Variants in RIN2 observed in about 807,000 individuals in gnomAD.
RIN2 encodes Ras and Rab interactor 2.
In RIN2, 36 loss-of-function variants were observed where a neutral mutation model predicts 78.0. The observed-to-expected ratio is 0.46, with a 90% CI of 0.35 to 0.61. The LOEUF is 0.61. RIN2 is among the 20% of genes least tolerant of loss of function. The probability of loss-of-function intolerance (pLI) is 0.00; values close to 1 mark genes in which losing one functional copy is unlikely to be tolerated. For synonymous variants in RIN2, 466 were observed against 466.8 expected (o/e 1.00, Z 0.02); for missense variants, 1,087 against 1,159.7 (o/e 0.94, Z 0.91).
chr20:19,884,581 G>T (rs2038122754), intron 2 of RIN2, among the ~76,000 whole-genome samples: 1 of 151,936 alleles, frequency 6.6e-6, no homozygotes, highest in Non-Finnish European at 1.5e-5. Context: ...TTTTTAAAAT[G>T]ACTGTTGGGT....
chr20:19,873,644 C>T (rs2037760408), intron 2 of RIN2, among the ~76,000 whole-genome samples: 1 of 152,134 alleles, frequency 6.6e-6, no homozygotes, highest in South Asian at 2.1e-4. Flanking sequence ...ACCCCTGATA[C>T]AGGCAATTAA....
At chr20:19,777,177 G>A (rs1314012707) in intron 1 of RIN2, among the ~76,000 whole-genome samples, 1 of 152,182 alleles carries the variant, frequency 6.6e-6, no homozygotes, top group African/African-American at 2.4e-5. Context: ...AGGTTTAGAA[G>A]AACTGTGTGC....
chr20:19,999,828 T>A (rs2043087474), intron 12 of RIN2, among the ~76,000 whole-genome samples: 1 of 152,222 alleles, frequency 6.6e-6, no homozygotes. Flanking sequence ...CAGCTCCATC[T>A]GCAAAGTATT....
chr20:19,889,394 G>A (rs941755774), intron 2 of RIN2, 172 bp from the exon 3 acceptor site: 1 of 1,192,296 alleles, frequency 8.4e-7, no homozygotes, highest in Admixed American at 3.2e-5. Context: ...AACTGCGCTG[G>A]TGGGGACAGG....
intron 1 of RIN2, among the ~76,000 whole-genome samples, chr20:19,768,349 C>T (rs983608430): frequency 1.3e-5 from 2 of 152,204 alleles, no homozygotes; most frequent in African/African-American, 4.8e-5. Context: ...AACTGGAATG[C>T]TCTGGAAACA....
chr20:19,758,656 A>G (rs996830375), intron 1 of RIN2, among the ~76,000 whole-genome samples: 1 of 152,232 alleles, frequency 6.6e-6, no homozygotes, highest in African/African-American at 2.4e-5. Flanking sequence ...TGGAGGGTGC[A>G]GGCACTATGG....
Position 19,956,684 on chromosome 20 carries a change from C to A in RIN2, c.228C>A (p.Gly76=), listed in dbSNP as rs911696265. ...EDVKTCARDS[G]YDSLSNRLSI... is the part of the protein sequence containing the mutation. ...TGAAGACCTGTGCCCGGGACTCAGGCTATGACAGCCTCTCCAACAGGCTCA... is the reference window on the plus strand; with the variant it reads ...TGAAGACCTGTGCCCGGGACTCAGGATATGACAGCCTCTCCAACAGGCTCA... The change falls in exon 5 of 13, where the codon GGC becomes GGA. Residue 76 remains glycine (G), a synonymous_variant. Transcript: ENST00000255006. The A allele has an allele frequency of 3.1e-6, 5 of 1,612,732 alleles. No homozygotes were observed. Among genetic ancestry groups the A allele is most frequent in the Non-Finnish European group, 4.2e-6 (5 of 1,179,452 alleles).
intron 1 of RIN2, among the ~76,000 whole-genome samples, chr20:19,777,290 G>A (rs1297456825): frequency 3.3e-5 from 5 of 152,212 alleles, no homozygotes; most frequent in African/African-American, 9.6e-5. Context: ...ACCCCACTAG[G>A]CCCCTTCTGC....
chr20:19,958,671 C>T (rs1327456378), intron 5 of RIN2, among the ~76,000 whole-genome samples: 1 of 152,222 alleles, frequency 6.6e-6, no homozygotes. Context: ...GAGTTCGAGA[C>T]CAGCCTGGCC....
At chr20:19,902,030 A>G (rs2039010712) in intron 3 of RIN2, among the ~76,000 whole-genome samples, 1 of 151,880 alleles carries the variant, frequency 6.6e-6, no homozygotes, top group African/African-American at 2.4e-5. Context: ...AAAAAAAAAA[A>G]AAAAAAAAAA....
intron 2 of RIN2, among the ~76,000 whole-genome samples, chr20:19,853,995 G>A (rs1385446702): frequency 6.6e-6 from 1 of 152,198 alleles, no homozygotes; most frequent in South Asian, 2.1e-4. Flanking sequence ...TTTTCTTCTA[G>A]GGTTTTGATG....
intron 2 of RIN2, among the ~76,000 whole-genome samples, chr20:19,826,389 CTAAG>C (rs1424237259): frequency 2.6e-5 from 4 of 152,200 alleles, no homozygotes; most frequent in Admixed American, 2.6e-4. Context: ...GCACGGGTAA[CTAAG>C]TAACTGCTCA....
chr20:19,823,177 G>A (rs184796138), intron 2 of RIN2, among the ~76,000 whole-genome samples: 26 of 152,226 alleles, frequency 1.7e-4, no homozygotes, highest in African/African-American at 6.3e-4. Context: ...AATAGTCGTA[G>A]AGCCATAGCA....
Position 19,846,192 on chromosome 20 carries a change from G to GGC in RIN2, c.-36-43374_-36-43373insGC, listed in dbSNP as rs1600602660. ...CTCCAGCTTTGTTCTTTTTGCTTAG[G>GGC]ATTGTCTTGGCTATACGGGCTCTTT... On this transcript the variant is annotated intron_variant, in intron 2 of 12. Transcript: ENST00000255006. Among the ~76,000 whole-genome samples, 3 of 152,270 alleles carry GGC rather than the reference G, an allele frequency of 2.0e-5. No individual in the cohort carries two copies. The East Asian group carries it at 5.8e-4, about 29-fold the overall frequency.
At chr20:19,788,345 A>G (rs1197310228) in intron 1 of RIN2, among the ~76,000 whole-genome samples, 4 of 151,178 alleles carry the variant, frequency 2.6e-5, no homozygotes, top group African/African-American at 9.8e-5. Flanking sequence ...CTGTAATCCC[A>G]GCACTTTGGG....
chr20:19,861,152 G>A (rs17301007), intron 2 of RIN2, among the ~76,000 whole-genome samples: 27,359 of 152,054 alleles, frequency 0.18, 2,852 homozygotes, highest in Non-Finnish European at 0.22. Flanking sequence ...ATCAGTCTCC[G>A]GGCAGATGTC....
chr20:19,943,245 A>C (rs954553627), intron 4 of RIN2, among the ~76,000 whole-genome samples: 1 of 152,230 alleles, frequency 6.6e-6, no homozygotes, highest in African/African-American at 2.4e-5. Flanking sequence ...TGGCCTTCTC[A>C]TCTCTAGCTG....
chr20:19,987,080 C>T (rs904883168), intron 9 of RIN2, among the ~76,000 whole-genome samples: 2 of 152,200 alleles, frequency 1.3e-5, no homozygotes, highest in East Asian at 3.8e-4. Flanking sequence ...CACAGCCTTG[C>T]GTTCATGAGA....
chr20:19,784,388 T>C lies in RIN2; in HGVS notation c.-162-15234T>C, dbSNP rs557420717. Among the ~76,000 whole-genome samples the C allele has an allele frequency of 3.3e-5, 5 of 152,226 alleles. No homozygotes were observed. In the South Asian group the frequency reaches 1.0e-3, roughly 32 times the overall value. On this transcript the variant is annotated intron_variant, in intron 1 of 12. Transcript: ENST00000255006. ...ACAAAGGGTTCCTTGTTTAAAAAGC[T>C]ATATATACTGTTGCACTAAGAAATG... is the stretch of plus-strand genomic sequence containing the variant.
Sources: gnomAD v4.1 joint callset for allele counts (sites outside exome capture counted in the v4.1 genomes callset) on GRCh38, gnomAD v4.1.1 for gene constraint, MANE v1.5 for transcripts, NCBI Gene and HGNC (gene_info 2026-07-23, HGNC 2026-07-21) for gene names.